ANK2: variants seen among roughly 807,000 people sequenced by gnomAD.
ANK2 encodes the protein ankyrin 2.
A neutral mutation model predicts 360.5 loss-of-function variants in ANK2; 83 were observed. That is an observed-to-expected ratio of 0.23 (90% CI 0.19 to 0.28). ANK2 has a LOEUF of 0.28. Among genes scored for constraint, ANK2 ranks in the 10% least tolerant of loss-of-function variants. ANK2 has a pLI of 1.00. For synonymous variants in ANK2, 1,740 were observed against 1,759.5 expected (o/e 0.99, Z 0.28); for missense variants, 4,201 against 4,795.7 (o/e 0.88, Z 3.66).
At chr4:113,078,577 A>T (rs2081076303) in intron 1 of ANK2, among the ~76,000 whole-genome samples, 1 of 152,062 alleles carries the variant, frequency 6.6e-6, no homozygotes, top group Admixed American at 6.6e-5. Flanking sequence ...ATATGTTTTG[A>T]TTCTTCTCAT....
the ANK2 span, among the ~76,000 whole-genome samples, chr4:112,710,256 T>C: frequency 5.9e-5 from 9 of 152,228 alleles, no homozygotes; most frequent in Non-Finnish European, 1.2e-4. Context: ...TTCTTCTAAT[T>C]TTCAGGGCTT....
the ANK2 span, among the ~76,000 whole-genome samples, chr4:112,799,379 T>A: frequency 6.6e-6 from 1 of 152,156 alleles, no homozygotes; most frequent in Non-Finnish European, 1.5e-5. Context: ...CATTTTTAAT[T>A]TTTGAGGAAC....
At chr4:113,302,863 A>G (rs111858559) in intron 23 of ANK2, 24 bp downstream of exon 23, 27 of 1,589,052 alleles carry the variant, frequency 1.7e-5, no homozygotes, top group Middle Eastern at 1.7e-4. Context: ...TCAATCTTCT[A>G]TGACACCTGT....
At chr4:112,966,206 A>C (rs1446718545) in intron 2 of ANK2, among the ~76,000 whole-genome samples, 1 of 151,828 alleles carries the variant, frequency 6.6e-6, no homozygotes, top group South Asian at 2.1e-4. Flanking sequence ...TATAAATCCA[A>C]ATTACATTAT....
intron 2 of ANK2, among the ~76,000 whole-genome samples, chr4:113,021,541 C>CACACCCACACACATAT (rs1489947974): frequency 3.1e-5 from 3 of 95,572 alleles, no homozygotes; most frequent in Non-Finnish European, 6.8e-5. Flanking sequence ...CACACACAAA[C>CACACCCACACACATAT]ATATATATAT....
intron 22 of ANK2, among the ~76,000 whole-genome samples, chr4:113,301,186 A>C (rs1461434776): frequency 6.6e-6 from 1 of 152,114 alleles, no homozygotes; most frequent in Non-Finnish European, 1.5e-5. Flanking sequence ...TGACAGTGTC[A>C]ATTGATGCCC....
intron 1 of ANK2, among the ~76,000 whole-genome samples, chr4:112,847,579 A>G (rs1229703142): frequency 6.6e-6 from 1 of 152,164 alleles, no homozygotes; most frequent in Non-Finnish European, 1.5e-5. Flanking sequence ...TTGTCTTTCT[A>G]AAGTACATAT....
At chr4:112,803,725 G>A in the ANK2 span, among the ~76,000 whole-genome samples, 1 of 152,006 alleles carries the variant, frequency 6.6e-6, no homozygotes, top group African/African-American at 2.4e-5. Context: ...ATTCAACAAG[G>A]CAGGCCTCTT....
intron 2 of ANK2, among the ~76,000 whole-genome samples, chr4:112,911,644 C>A (rs931927158): frequency 5.9e-5 from 9 of 152,132 alleles, no homozygotes; most frequent in Non-Finnish European, 1.0e-4. Context: ...TATTTTTAAA[C>A]AAACTCTGTT....
the ANK2 span, among the ~76,000 whole-genome samples, chr4:112,728,292 C>CAAAA: frequency 2.5e-3 from 101 of 40,136 alleles, 2 homozygotes; most frequent in African/African-American, 5.8e-3. Context: ...GACTCTGTCT[C>CAAAA]AAAAAAAAAA....
chr4:112,723,082 A>G, the ANK2 span, among the ~76,000 whole-genome samples: 1 of 152,208 alleles, frequency 6.6e-6, no homozygotes. Flanking sequence ...GTTGGGAGAC[A>G]TTAGAGAAAT....
chr4:112,790,746 C>A, the ANK2 span, among the ~76,000 whole-genome samples: 1 of 152,164 alleles, frequency 6.6e-6, no homozygotes, highest in Admixed American at 6.6e-5. Context: ...CTCGGCCTCC[C>A]AAAGTGCTGG....
chr4:113,185,560 TG>T (rs1393015819), intron 2 of ANK2, among the ~76,000 whole-genome samples: 2 of 152,358 alleles, frequency 1.3e-5, no homozygotes, highest in East Asian at 1.9e-4. Flanking sequence ...TTGATGGCAT[TG>T]TTTTTTTCTT....
intron 1 of ANK2, among the ~76,000 whole-genome samples, chr4:113,091,323 A>C (rs1190763936): frequency 6.6e-6 from 1 of 152,214 alleles, no homozygotes; most frequent in Non-Finnish European, 1.5e-5. Context: ...AATTACCCTT[A>C]ATTCTGAACT....
intron 1 of ANK2, among the ~76,000 whole-genome samples, chr4:113,120,368 A>C (rs1161987193): frequency 1.3e-5 from 2 of 152,156 alleles, no homozygotes; most frequent in Non-Finnish European, 2.9e-5. Context: ...TTGGAATCTG[A>C]GAATTTTAGA....
rs150536846 is a variant in ANK2 at position 113,156,371 on chromosome 4, C to CTTTT, written c.85-18038_85-18035dup. On this transcript the variant is annotated intron_variant, in intron 1 of 45. Coordinates refer to ENST00000357077, the MANE Select transcript of ANK2 (RefSeq NM_001148.6). ...CGTATAGAGTATATGTAGAAAAATT[C>CTTTT]TTTTTTTTTTGTTTTTGAGACAGAG... is the stretch of plus-strand genomic sequence containing the variant. 3.9e-5 allele frequency among the ~76,000 whole-genome samples: 5 copies of CTTTT among 128,530 alleles called. No individual in the cohort carries two copies. In the South Asian group the frequency reaches 6.9e-4, roughly 18 times the overall value. The allele number at this position is 128,530 out of a possible 152,430, so 84.3% of individuals were successfully genotyped here.
intron 14 of ANK2, among the ~76,000 whole-genome samples, chr4:113,265,896 A>T (rs958845295): frequency 1.3e-5 from 2 of 152,222 alleles, no homozygotes; most frequent in African/African-American, 2.4e-5. Flanking sequence ...GAATGAAAGC[A>T]TCTGGCTATG....
chr4:113,197,106 C>T (rs2098758602), intron 3 of ANK2, among the ~76,000 whole-genome samples: 2 of 152,144 alleles, frequency 1.3e-5, no homozygotes, highest in African/African-American at 2.4e-5. Flanking sequence ...ATGTGGGAAA[C>T]TTCTCTATGG....
At chr4:112,984,354 CG>C (rs2154274884) in intron 2 of ANK2, among the ~76,000 whole-genome samples, 1 of 152,162 alleles carries the variant, frequency 6.6e-6, no homozygotes, top group East Asian at 1.9e-4. Context: ...CTCACAATCA[CG>C]GAAGAAGGCA....
Sources: allele counts gnomAD v4.1 joint callset (sites outside exome capture counted in the v4.1 genomes callset), GRCh38; gene constraint gnomAD v4.1.1; transcripts MANE v1.5; gene names NCBI Gene and HGNC (gene_info 2026-07-23, HGNC 2026-07-21).